The following SELENOO variants were observed in gnomAD, a reference collection of about 807,000 sequenced individuals.
The protein encoded by SELENOO is protein adenylyltransferase SelO, mitochondrial.
A neutral mutation model predicts 58.7 loss-of-function variants in SELENOO; 74 were observed. That is an observed-to-expected ratio of 1.26 (90% CI 1.04 to 1.53). SELENOO has a LOEUF of 1.53. SELENOO is among the 40% of genes most tolerant of loss of function. SELENOO has a pLI of 0.00. For missense variants in SELENOO, 1,149 were observed against 970.0 expected (o/e 1.18, Z -2.45); for synonymous variants, 543 against 453.2 (o/e 1.20, Z -2.52).
intron 5 of SELENOO, among the ~76,000 whole-genome samples, chr22:50,211,137 G>A (rs996640650): frequency 3.9e-5 from 6 of 152,182 alleles, no homozygotes; most frequent in African/African-American, 1.4e-4. Context: ...ATTTCACTTA[G>A]CATAAGGTCC....
intron 3 of SELENOO, 29 bp downstream of exon 3, chr22:50,208,745 G>A (rs1406854809): frequency 6.3e-7 from 1 of 1,594,228 alleles, no homozygotes; most frequent in South Asian, 1.1e-5. Flanking sequence ...ACCCCTCCCT[G>A]CGGGTGGATG....
intron 5 of SELENOO, among the ~76,000 whole-genome samples, chr22:50,213,016 C>CT (rs753220429): frequency 7.2e-5 from 11 of 152,224 alleles, no homozygotes; most frequent in Non-Finnish European, 1.3e-4. Context: ...CTGTGCATGT[C>CT]TTTCTGGTCA....
rs1030128313 is a variant in SELENOO, at chr22:50,217,509, G to A, written c.*140G>A. The A allele has an allele frequency of 1.6e-5, 19 of 1,167,604 alleles. No homozygotes were observed. The East Asian group carries it at 3.1e-4, about 19-fold the overall frequency. The allele number at this position is 1,167,604 out of a possible 1,614,324, so 72.3% of individuals were successfully genotyped here. A position where few individuals can be genotyped will look rare whatever the true frequency, so the allele number is the denominator to read the frequency against. ...ACACCCGTCTTTCCATGATGGCAGAGACATCCAGTCAGGACCTGACCCGTC... is the reference window on the plus strand; with the variant it reads ...ACACCCGTCTTTCCATGATGGCAGAAACATCCAGTCAGGACCTGACCCGTC... On this transcript the variant is annotated 3_prime_UTR_variant, in exon 9 of 9. Coordinates refer to ENST00000380903, the MANE Select transcript of SELENOO (RefSeq NM_031454.2).
chr22:50,212,220 G>A (rs905056775), intron 5 of SELENOO, among the ~76,000 whole-genome samples: 6 of 152,094 alleles, frequency 3.9e-5, no homozygotes, highest in Non-Finnish European at 8.8e-5. Context: ...CCATTTGTTC[G>A]TAAGAGTATT....
chr22:50,209,912 C>T (rs1034218685), intron 3 of SELENOO, among the ~76,000 whole-genome samples: 12 of 152,200 alleles, frequency 7.9e-5, no homozygotes, highest in African/African-American at 2.4e-4. Context: ...CTCTACTGGG[C>T]CTGAGTCTGG....
Position 50,217,331 on chromosome 22 carries a change from C to T in SELENOO, c.1972C>T (p.Leu658Phe), listed in dbSNP as rs1428369592. 6.2e-7 allele frequency: 1 copy of T among 1,612,982 alleles called. No homozygotes were observed. Among genetic ancestry groups the T allele is most frequent in the South Asian group, 1.1e-5 (1 of 91,086 alleles). ...GCGCTCCTACAGCAGTAAGCCCCCG[C>T]TCTGGGCAGCAGAACTGTGCGTGAC... is the stretch of plus-strand genomic sequence containing the variant. The part of the protein sequence containing the change: ...RQRSYSSKPP[L>F]WAAELCVTUS... The change falls in exon 9 of 9, where the codon CTC becomes TTC. Residue 658 changes from leucine (L) to phenylalanine (F), a missense_variant. Physicochemically the swap from Leu to Phe is conservative, Grantham distance 22. Transcript: ENST00000380903.
intron 1 of SELENOO, among the ~76,000 whole-genome samples, chr22:50,202,796 A>G (rs2147156704): frequency 6.6e-6 from 1 of 152,338 alleles, no homozygotes; most frequent in Non-Finnish European, 1.5e-5. Flanking sequence ...ACCTTTACTC[A>G]GGCCCTGCCT....
rs374757417 is a variant in SELENOO, at chr22:50,210,899, A to G, written c.1339A>G (p.Met447Val). 7.4e-6 allele frequency: 12 copies of G among 1,613,948 alleles called. No homozygotes were observed. The highest frequency in any genetic ancestry group is 1.7e-5 in the Admixed American group (1 of 60,008). ...GALVSKLLET[M>V]HLTGADFTNT... ...GCTGGTGTCCAAGCTCCTGGAGACC[A>G]TGCATCTGACCGGTGAGTGACCCAG... Residue 447 changes from methionine (M) to valine (V), a missense_variant, in exon 5 of 9, where the codon ATG becomes GTG. Coordinates refer to ENST00000380903, the MANE Select transcript of SELENOO (RefSeq NM_031454.2).
chr22:50,216,826 G>A lies in SELENOO; in HGVS notation c.1638G>A (p.Glu546=). The A allele has an allele frequency of 6.2e-7, 1 of 1,608,830 alleles. No individual in the cohort carries two copies. The highest frequency in any genetic ancestry group is 8.5e-7 in the Non-Finnish European group (1 of 1,179,882). The part of the protein sequence containing the change: ...QSRLEQLSAA[E]LQSRNQGHWA... ...GGCTGGAGCAGCTGAGTGCGGCAGA[G>A]CTGCAGAGCAGGAACCAGGGCCACT... The change falls in exon 7 of 9, where the codon GAG becomes GAA. Residue 546 remains glutamate, a synonymous_variant. Coordinates refer to ENST00000380903, the MANE Select transcript of SELENOO (RefSeq NM_031454.2).
rs1326824028 is a variant in SELENOO, at chr22:50,201,075, G to C, written c.39G>C (p.Ala13=). ...GGGCAGCGCTCGGGGCTTCGCTCGC[G>C]GCTGCCCGACTCTTGCCCCTCGGTC... The part of the protein sequence containing the change: ...VYRAALGASL[A]AARLLPLGRC... The change falls in exon 1 of 9, where the codon GCG becomes GCC. Residue 13 remains alanine, a synonymous_variant. Transcript: ENST00000380903. 1.2e-5 allele frequency: 16 copies of C among 1,363,648 alleles called. No individual in the cohort carries two copies. In the Admixed American group the frequency reaches 2.2e-4, roughly 19 times the overall value. 84.5% of individuals were successfully genotyped at this position (1,363,648 alleles called of 1,614,324 possible).
intron 1 of SELENOO, among the ~76,000 whole-genome samples, chr22:50,204,688 G>T (rs1329290267): frequency 6.6e-6 from 1 of 152,130 alleles, no homozygotes. Flanking sequence ...CTTCTGCACT[G>T]TTGGTGGGAA....
chr22:50,214,394 C>A lies in SELENOO; in HGVS notation c.1352-1323C>A, dbSNP rs1440764633. ...CAACACTTTGGGAGGCCGAGGCAGG[C>A]AGATCACCTGAGGTCAAGAGTTCGA... On this transcript the variant is annotated intron_variant, in intron 5 of 8. Coordinates refer to ENST00000380903, the MANE Select transcript of SELENOO (RefSeq NM_031454.2). 2.6e-5 allele frequency among the ~76,000 whole-genome samples: 4 copies of A among 152,274 alleles called. No homozygotes were observed. In the East Asian group the frequency reaches 7.7e-4, roughly 29 times the overall value.
chr22:50,216,789 A>G lies in SELENOO; in HGVS notation c.1601A>G (p.Glu534Gly). 1 of 1,609,330 alleles carries G rather than the reference A, an allele frequency of 6.2e-7. No homozygotes were observed. Among genetic ancestry groups the G allele is most frequent in the Non-Finnish European group, 8.5e-7 (1 of 1,179,858 alleles). ...AGIARELERV[E>G]QQSRLEQLSA... is the part of the protein sequence containing the mutation. ...ATCGCCAGGGAGCTGGAGCGTGTGG[A>G]GCAGCAGTCTCGGCTGGAGCAGCTG... The change falls in exon 7 of 9, where the codon GAG becomes GGG. Residue 534 changes from glutamate to glycine, a missense_variant. Physicochemically the swap from Glu to Gly is moderately conservative, Grantham distance 98 (BLOSUM62 -2). Transcript: ENST00000380903.
rs1298298749 is a variant in SELENOO at position 50,217,226 on chromosome 22, C to T, written c.1867C>T (p.Leu623=). Residue 623 remains leucine, a synonymous_variant, in exon 9 of 9, where the codon CTG becomes TTG. Transcript: ENST00000380903. ...FSEVRRVLKL[L]ETPYHCEAGA... Reference sequence around the variant, plus strand: ...CCAGGTGCGGCGGGTGCTGAAACTACTGGAGACCCCTTACCACTGCGAGGC... The same window carrying T: ...CCAGGTGCGGCGGGTGCTGAAACTATTGGAGACCCCTTACCACTGCGAGGC... 2.5e-6 allele frequency: 4 copies of T among 1,611,750 alleles called. No individual in the cohort carries two copies. The highest frequency in any genetic ancestry group is 1.1e-5 in the South Asian group (1 of 91,010).
In SELENOO at chr22:50,201,482, C is replaced by G. The variant is rs1383963593; in HGVS notation, c.446C>G (p.Ala149Gly). 1 of 1,424,866 alleles carries G rather than the reference C, an allele frequency of 7.0e-7. No individual in the cohort carries two copies. Among genetic ancestry groups the G allele is most frequent in the Admixed American group, 2.6e-5 (1 of 38,518 alleles). 88.3% of individuals were successfully genotyped at this position (1,424,866 alleles called of 1,614,324 possible). Residue 149 changes from alanine to glycine, a missense_variant, in exon 1 of 9, where the codon GCC (alanine) becomes GGC (glycine). Transcript: ENST00000380903. ...CYCGHQFGQF[A>G]GQLGDGAAMY... ...TGCGGCCACCAATTCGGCCAGTTCG[C>G]CGGGCAGCTGGGCGACGGCGCCGCC...
rs889958452 is a variant in SELENOO, at chr22:50,201,196, G to A, written c.160G>A (p.Ala54Thr). The change falls in exon 1 of 9, where the codon GCC (alanine) becomes ACC (threonine). Residue 54 changes from alanine to threonine, a missense_variant. Physicochemically the swap from Ala to Thr is moderately conservative, Grantham distance 58. Coordinates refer to ENST00000380903, the MANE Select transcript of SELENOO (RefSeq NM_031454.2). ...GGCGGGGCTGCGCTTCGACAACCGC[G>A]CCCTGCGCGCCCTGCCCGTGGAGGC... ...WLAGLRFDNR[A>T]LRALPVEAPP... 3.3e-6 allele frequency: 4 copies of A among 1,199,124 alleles called. No homozygotes were observed. The highest frequency in any genetic ancestry group is 9.0e-5 in the Admixed American group (2 of 22,290). 74.3% of individuals were successfully genotyped at this position (1,199,124 alleles called of 1,614,324 possible). A position where few individuals can be genotyped will look rare whatever the true frequency, so the allele number is the denominator to read the frequency against.
intron 1 of SELENOO, 43 bp from the exon 2 acceptor site, chr22:50,206,274 C>A (rs1326267068): frequency 6.4e-7 from 1 of 1,566,180 alleles, no homozygotes; most frequent in Admixed American, 1.7e-5. Context: ...TGTTGGGTGA[C>A]CTCCTGACCG....
Position 50,217,530 on chromosome 22 carries a change from C to G in SELENOO, c.*161C>G, listed in dbSNP as rs2064432315. On this transcript the variant is annotated 3_prime_UTR_variant, in exon 9 of 9. Coordinates refer to ENST00000380903, the MANE Select transcript of SELENOO (RefSeq NM_031454.2). Reference sequence around the variant, plus strand: ...CAGAGACATCCAGTCAGGACCTGACCCGTCTCTGTCTGAGGCCGGCTCAGC... The same window carrying G: ...CAGAGACATCCAGTCAGGACCTGACGCGTCTCTGTCTGAGGCCGGCTCAGC... The G allele has an allele frequency of 1.9e-6, 2 of 1,058,996 alleles. No homozygotes were observed. The allele number at this position is 1,058,996 out of a possible 1,614,324, so 65.6% of individuals were successfully genotyped here.
rs1423508282 is a variant in SELENOO, at chr22:50,217,214, G to T, written c.1855G>T (p.Val619Leu). ...CCTCCTGATCCTCCAGGTGCGGCGG[G>T]TGCTGAAACTACTGGAGACCCCTTA... The part of the protein sequence containing the change: ...ERGDFSEVRR[V>L]LKLLETPYHC... Residue 619 changes from valine (V) to leucine (L), a missense_variant, in exon 9 of 9, where the codon GTG becomes TTG. By Grantham distance (32) the Val-to-Leu change is conservative (BLOSUM62 1). Transcript: ENST00000380903. The T allele has an allele frequency of 6.2e-7, 1 of 1,611,662 alleles. No homozygotes were observed. Among genetic ancestry groups the T allele is most frequent in the South Asian group, 1.1e-5 (1 of 91,014 alleles).
Sources: gnomAD v4.1 joint callset for allele counts (sites outside exome capture counted in the v4.1 genomes callset) on GRCh38, gnomAD v4.1.1 for gene constraint, MANE v1.5 for transcripts, NCBI Gene and HGNC (gene_info 2026-07-23, HGNC 2026-07-21) for gene names.